The following ZC3H18 variants were observed in gnomAD, a reference collection of about 807,000 sequenced individuals.
ZC3H18 encodes the protein zinc finger CCCH-type containing 18, also known as zinc finger CCCH domain-containing protein 18.
Under a neutral mutation model 106.1 loss-of-function variants are expected in ZC3H18, and 8 were observed. That is an observed-to-expected ratio of 0.08 (90% CI 0.04 to 0.14). The LOEUF is 0.14. ZC3H18 is among the 10% of genes least tolerant of loss of function. The pLI, the probability that ZC3H18 is intolerant of heterozygous loss-of-function variation, is 1.00. For synonymous variants in ZC3H18, 635 were observed against 522.1 expected (o/e 1.22, Z -2.95); for missense variants, 1,318 against 1,278.4 (o/e 1.03, Z -0.47).
At chr16:88,615,907 G>A (rs1273949366) in intron 8 of ZC3H18, among the ~76,000 whole-genome samples, 1 of 152,188 alleles carries the variant, frequency 6.6e-6, no homozygotes, top group African/African-American at 2.4e-5. Flanking sequence ...TCTGGAGTAC[G>A]CGTTAGAGGG....
intron 8 of ZC3H18, among the ~76,000 whole-genome samples, chr16:88,616,561 G>T (rs547185929): frequency 1.3e-5 from 2 of 152,318 alleles, no homozygotes; most frequent in East Asian, 3.9e-4. Context: ...TTTCCCCAGC[G>T]CAGAATTTCC....
intron 2 of ZC3H18, among the ~76,000 whole-genome samples, 180 bp from the exon 3 acceptor site, chr16:88,586,420 C>T (rs1915433687): frequency 6.6e-6 from 1 of 152,176 alleles, no homozygotes; most frequent in African/African-American, 2.4e-5. Context: ...AGCTGCCGGG[C>T]ACGCTCTGAT....
Position 88,579,892 on chromosome 16 carries a change from C to T in ZC3H18, c.603+2166C>T, listed in dbSNP as rs145253365. Among the ~76,000 whole-genome samples, 666 of 152,280 alleles carry T rather than the reference C, an allele frequency of 4.4e-3. 6 individuals carry two copies. Among genetic ancestry groups the T allele is most frequent in the African/African-American group, 0.015 (628 of 41,550 alleles). On this transcript the variant is annotated intron_variant, in intron 2 of 17. Transcript: ENST00000301011. ...GTGCCACATGCTGAGTGTGACTGGG[C>T]AGGGCGGAGCAGAGCCCGCTCCTGC... is the stretch of plus-strand genomic sequence containing the variant.
chr16:88,610,369 A>G (rs1337243781), intron 7 of ZC3H18, among the ~76,000 whole-genome samples: 5 of 152,104 alleles, frequency 3.3e-5, no homozygotes, highest in Admixed American at 3.3e-4. Context: ...AGAGGGCCCC[A>G]TCGTGCCAGA....
At chr16:88,582,586 C>T (rs1463989112) in intron 2 of ZC3H18, among the ~76,000 whole-genome samples, 3 of 152,256 alleles carry the variant, frequency 2.0e-5, no homozygotes, top group South Asian at 2.1e-4. Context: ...GTGCCAAGTG[C>T]GCCCATTCTA....
rs927987478 is a variant in ZC3H18, at chr16:88,624,812, T to C, written c.2042+67T>C. 14 of 1,517,256 alleles carry C rather than the reference T, an allele frequency of 9.2e-6. No homozygotes were observed. In the Admixed American group the frequency reaches 1.4e-4, roughly 15 times the overall value. The allele number at this position is 1,517,256 out of a possible 1,614,324, so 94.0% of individuals were successfully genotyped here. Reference sequence around the variant, plus strand: ...CTTGGTGCCACTGTGATGCTGGCACTGCTGGAAATCCAGAGTGCCAGGGTC... The same window carrying C: ...CTTGGTGCCACTGTGATGCTGGCACCGCTGGAAATCCAGAGTGCCAGGGTC... On this transcript the variant is annotated intron_variant, in intron 12 of 17. Transcript: ENST00000301011.
intron 9 of ZC3H18, 147 bp downstream of exon 9, chr16:88,622,535 C>A: frequency 1.1e-6 from 1 of 875,542 alleles, no homozygotes; most frequent in Non-Finnish European, 1.7e-6. Flanking sequence ...TGGGACTAAC[C>A]CGGCGTTTAT....
chr16:88,578,010 C>T (rs1437642346), intron 2 of ZC3H18, among the ~76,000 whole-genome samples: 2 of 152,188 alleles, frequency 1.3e-5, no homozygotes, highest in Admixed American at 6.5e-5. Context: ...AAAGGTCCAG[C>T]GCCCAGTGTT....
At chr16:88,597,282 C>T (rs569192597) in intron 3 of ZC3H18, among the ~76,000 whole-genome samples, 6 of 152,164 alleles carry the variant, frequency 3.9e-5, no homozygotes, top group South Asian at 2.1e-4. Context: ...AGTTTTCTTT[C>T]GTGTTTAATT....
chr16:88,617,537 C>T (rs573548795), intron 8 of ZC3H18, among the ~76,000 whole-genome samples: 81 of 152,350 alleles, frequency 5.3e-4, no homozygotes, highest in Non-Finnish European at 7.8e-4. Flanking sequence ...TAGTCATTGT[C>T]ATTAGAAATG....
rs779260802 is a variant in ZC3H18 at position 88,611,329 on chromosome 16, G to A, written c.1268G>A (p.Arg423Gln). The A allele has an allele frequency of 7.8e-6, 6 of 767,606 alleles. No homozygotes were observed. Among genetic ancestry groups the A allele is most frequent in the African/African-American group, 1.7e-5 (1 of 58,088 alleles). The allele number at this position is 767,606 out of a possible 1,614,324, so 47.5% of individuals were successfully genotyped here. A position where few individuals can be genotyped will look rare whatever the true frequency, so the allele number is the denominator to read the frequency against. ...CGCGAGCGCGAGCGGGAGCGGGAGC[G>A]GGACCGAGAGCGGGAGCGCCGGCAG... The part of the protein sequence containing the change: ...RQRERERERE[R>Q]DRERERRQRE... The change falls in exon 8 of 18, where the codon CGG (arginine) becomes CAG (glutamine). Residue 423 changes from arginine (R) to glutamine (Q), a missense_variant. By Grantham distance (43) the Arg-to-Gln change is conservative. This residue lies in a region of ZC3H18 where 848 missense variants were observed against 821.7 expected (regional missense o/e 1.03). Coordinates refer to ENST00000301011, the MANE Select transcript of ZC3H18 (RefSeq NM_144604.4).
chr16:88,587,608 T>C (rs1280055728), intron 3 of ZC3H18: 1 of 1,535,606 alleles, frequency 6.5e-7, no homozygotes, highest in African/African-American at 1.4e-5. Context: ...AGAGGCCAGG[T>C]TAAAGGTACA....
intron 3 of ZC3H18, among the ~76,000 whole-genome samples, chr16:88,594,154 C>G (rs753398623): frequency 6.6e-6 from 1 of 152,120 alleles, no homozygotes; most frequent in Non-Finnish European, 1.5e-5. Flanking sequence ...CGATCGCATG[C>G]AGATGGGAGG....
At chr16:88,587,688 T>C (rs1915516813) in intron 3 of ZC3H18, 3 of 1,379,530 alleles carry the variant, frequency 2.2e-6, no homozygotes, top group African/African-American at 1.4e-5. Flanking sequence ...TTCCTTCTCC[T>C]GGATCCAGAA....
rs747799282 is a variant in ZC3H18 at position 88,609,045 on chromosome 16, T to C, written c.1200T>C (p.Asn400=). 1 of 1,611,844 alleles carries C rather than the reference T, an allele frequency of 6.2e-7. No individual in the cohort carries two copies. Among genetic ancestry groups the C allele is most frequent in the African/African-American group, 1.3e-5 (1 of 74,992 alleles). ...VQYTETEPYH[N]YRERERERER... ...ATACAGAAACAGAGCCGTATCATAA[T>C]TACCGAGTAAGTATGACTTCAATAT... is the stretch of plus-strand genomic sequence containing the variant. Residue 400 remains asparagine, a synonymous_variant, in exon 7 of 18, where the codon AAT becomes AAC. Transcript: ENST00000301011.
At chr16:88,606,772 T>C (rs1193181970) in intron 6 of ZC3H18, among the ~76,000 whole-genome samples, 1 of 152,222 alleles carries the variant, frequency 6.6e-6, no homozygotes, top group Admixed American at 6.5e-5. Flanking sequence ...GCACATTAGA[T>C]TGAACGGTGT....
chr16:88,593,537 A>G (rs1904307982), intron 3 of ZC3H18, among the ~76,000 whole-genome samples: 1 of 152,256 alleles, frequency 6.6e-6, no homozygotes, highest in South Asian at 2.1e-4. Context: ...GCCAGAAAGC[A>G]GAGCTTCTGT....
chr16:88,599,375 C>T (rs1904624371), intron 5 of ZC3H18, among the ~76,000 whole-genome samples: 1 of 152,222 alleles, frequency 6.6e-6, no homozygotes, highest in Non-Finnish European at 1.5e-5. Context: ...GCACCCAGCC[C>T]CACTTCCTCA....
chr16:88,606,562 C>G (rs964368970), intron 6 of ZC3H18, among the ~76,000 whole-genome samples: 1 of 152,230 alleles, frequency 6.6e-6, no homozygotes, highest in East Asian at 1.9e-4. Flanking sequence ...TGGGCTTACG[C>G]AATCAGCCTC....
Sources: gnomAD v4.1 joint callset for allele counts (sites outside exome capture counted in the v4.1 genomes callset) on GRCh38, gnomAD v4.1.1 for gene constraint, gnomAD v4.1.1 regional missense constraint, MANE v1.5 for transcripts, NCBI Gene and HGNC (gene_info 2026-07-23, HGNC 2026-07-21) for gene names.